The following GPAT2 variants were observed in gnomAD, a reference collection of about 807,000 sequenced individuals.
GPAT2 encodes the protein glycerol-3-phosphate acyltransferase 2, mitochondrial.
Under a neutral mutation model 71.0 loss-of-function variants are expected in GPAT2, and 51 were observed. The ratio of observed to expected loss-of-function variants is 0.72; its 90% CI spans 0.57 to 0.91. The LOEUF is 0.91. GPAT2 is among the 40% of genes least tolerant of loss of function. The pLI is 0.00. For missense variants in GPAT2, 511 were observed against 666.0 expected, an observed-to-expected ratio of 0.77 and a Z score of 2.56; for synonymous variants, 222 against 290.3, an observed-to-expected ratio of 0.76 and a Z score of 2.39.
intron 13 of GPAT2, 169 bp from the exon 14 acceptor site, chr2:96,025,012 G>A (rs1184464776): frequency 4.0e-6 from 3 of 744,330 alleles, no homozygotes; most frequent in Non-Finnish European, 2.3e-6. Context: ...GAGCAGGCCA[G>A]GAGCTGGGGG....
At chr2:96,025,364 A>G (rs546672717) in intron 13 of GPAT2, 121 bp downstream of exon 13, 5 of 1,306,394 alleles carry the variant, frequency 3.8e-6, no homozygotes, top group African/African-American at 3.0e-5. Context: ...GATGTCCCCA[A>G]GGTATCACAG....
chr2:96,024,199 A>G lies in GPAT2; in HGVS notation c.1826T>C (p.Leu609Pro). The G allele has an allele frequency of 6.5e-7, 1 of 1,528,972 alleles. No homozygotes were observed. The highest frequency in any genetic ancestry group is 1.3e-5 in the South Asian group (1 of 78,712). 94.7% of individuals were successfully genotyped at this position (1,528,972 alleles called of 1,614,324 possible). The part of the protein sequence containing the change: ...LLMHLLPQDL[L>P]LLKPCQSSYC... ...TAGGGGAGGCCTGACCTTTAGCAGC[A>G]GCAGGTCTTGCGGCAGCAGGTGCAT... Residue 609 changes from leucine (L) to proline (P), a missense_variant, in exon 16 of 22, where the codon CTG becomes CCG. Coordinates refer to ENST00000434632, the MANE Select transcript of GPAT2 (RefSeq NM_001321527.2).
Position 96,032,402 on chromosome 2 carries a change from CCTT to C in GPAT2, c.-46_-44del, listed in dbSNP as rs1680772101. 5.0e-6 allele frequency: 6 copies of C among 1,192,806 alleles called. No homozygotes were observed. Among genetic ancestry groups the C allele is most frequent in the Admixed American group, 5.9e-5 (2 of 34,172 alleles). The allele number at this position is 1,192,806 out of a possible 1,614,324, so 73.9% of individuals were successfully genotyped here. A position where few individuals can be genotyped will look rare whatever the true frequency, so the allele number is the denominator to read the frequency against. ...ATGAACCAGTCACCTCTGGCACTCT[CCTT>C]CTCCCCACAGAAACCTGAGCCGGGG... On this transcript the variant is annotated 5_prime_UTR_variant, in exon 2 of 22. Coordinates refer to ENST00000434632, the MANE Select transcript of GPAT2 (RefSeq NM_001321527.2).
At chr2:96,026,587 C>T (rs2104657261) in intron 10 of GPAT2, 110 bp downstream of exon 10, 1 of 168,088 alleles carries the variant, frequency 5.9e-6, no homozygotes, top group African/African-American at 1.2e-4. Context: ...TTCCTTTGTG[C>T]CCCCCACAGC....
rs1445620164 is a variant in GPAT2, at chr2:96,032,340, C to T, written c.20G>A (p.Gly7Asp). 2.0e-6 allele frequency: 3 copies of T among 1,498,804 alleles called. 1 individual carries two copies. Among genetic ancestry groups the T allele is most frequent in the Non-Finnish European group, 2.7e-6 (3 of 1,101,038 alleles). The allele number at this position is 1,498,804 out of a possible 1,614,324, so 92.8% of individuals were successfully genotyped here. MATMLE[G>D]RCQTQPRSSP... Reference sequence around the variant, plus strand: ...GCTCCTTGGCTGAGTTTGGCATCTGCCTTCCAACATGGTGGCCATGAGAGC... The same window carrying T: ...GCTCCTTGGCTGAGTTTGGCATCTGTCTTCCAACATGGTGGCCATGAGAGC... Residue 7 changes from glycine to aspartate, a missense_variant, in exon 2 of 22, where the codon GGC becomes GAC. Gly to Asp is a moderately conservative substitution (Grantham distance 94, BLOSUM62 -1). Around this residue, in one of 7 missense-constraint regions of GPAT2, gnomAD observed 21 missense variants for 71.6 expected, o/e 0.29. Coordinates refer to ENST00000434632, the MANE Select transcript of GPAT2 (RefSeq NM_001321527.2).
rs1425007762 is a variant in GPAT2 at position 96,024,804 on chromosome 2, A to G, written c.1397T>C (p.Met466Thr). ...GSSAVMSTAIMATLLLFKHQK... is the reference protein window; with the variant it reads ...GSSAVMSTAITATLLLFKHQK... ...ATGCTTGAAGAGCAGCAGCGTTGCC[A>G]TAATGGCCGTGCTCATCACCGCAGA... The change falls in exon 14 of 22, where the codon ATG (methionine) becomes ACG (threonine). Residue 466 changes from methionine (M) to threonine (T), a missense_variant. Met to Thr is a moderately conservative substitution (Grantham distance 81). Around this residue, in one of 7 missense-constraint regions of GPAT2, gnomAD observed 295 missense variants for 305.5 expected, o/e 0.97. Coordinates refer to ENST00000434632, the MANE Select transcript of GPAT2 (RefSeq NM_001321527.2). 2 of 1,613,756 alleles carry G rather than the reference A, an allele frequency of 1.2e-6. No individual in the cohort carries two copies. The highest frequency in any genetic ancestry group is 2.2e-5 in the East Asian group (1 of 44,874).
At chr2:96,034,036 AATACATAT>A (rs1049780302) in intron 1 of GPAT2, among the ~76,000 whole-genome samples, 7 of 151,402 alleles carry the variant, frequency 4.6e-5, no homozygotes, top group African/African-American at 1.5e-4. Flanking sequence ...ATACATATAT[AATACATAT>A]ATACATATAT....
In GPAT2 at chr2:96,022,156, G is replaced by T; in HGVS notation, c.*3C>A. ...GTCTCAGCACAGGCTCCTCCTCACAGTTCTAGCTACAAATGAACTGCCGGA... is the reference window on the plus strand; with the variant it reads ...GTCTCAGCACAGGCTCCTCCTCACATTTCTAGCTACAAATGAACTGCCGGA... On this transcript the variant is annotated 3_prime_UTR_variant, in exon 22 of 22. Transcript: ENST00000434632. The T allele has an allele frequency of 6.2e-7, 1 of 1,610,252 alleles. No homozygotes were observed. Among genetic ancestry groups the T allele is most frequent in the Non-Finnish European group, 8.5e-7 (1 of 1,179,108 alleles).
At chr2:96,025,450 C>A (rs759704816) in intron 13 of GPAT2, 35 bp downstream of exon 13, 2 of 1,572,604 alleles carry the variant, frequency 1.3e-6, no homozygotes, top group Non-Finnish European at 1.7e-6. Flanking sequence ...GTTCAGTGAC[C>A]CACCCGCAAA....
intron 13 of GPAT2, 165 bp from the exon 14 acceptor site, chr2:96,025,008 G>T (rs1175029354): frequency 3.8e-6 from 3 of 782,386 alleles, no homozygotes; most frequent in Middle Eastern, 3.6e-4. Flanking sequence ...CTGAGAGCAG[G>T]CCAGGAGCTG....
At position 96,024,116 on chromosome 2, in the gene GPAT2, G is replaced by T; in HGVS notation, c.1836+73C>A. The T allele has an allele frequency of 1.9e-6, 3 of 1,549,994 alleles. No homozygotes were observed. The Admixed American group carries it at 5.9e-5, about 31-fold the overall frequency. The stretch of plus-strand genomic sequence containing the variant: ...CCAGGAGGTTTCAGAGGTAGAGCAT[G>T]GGCAGGGATGGGCCATTCCTACCAC... On this transcript the variant is annotated intron_variant, in intron 16 of 21. Transcript: ENST00000434632.
chr2:96,024,685 C>A lies in GPAT2; in HGVS notation c.1429G>T (p.Gly477Cys), dbSNP rs1266938573. 1.2e-6 allele frequency: 2 copies of A among 1,613,770 alleles called. No individual in the cohort carries two copies. Among genetic ancestry groups the A allele is most frequent in the Non-Finnish European group, 1.7e-6 (2 of 1,179,914 alleles). Residue 477 changes from glycine (G) to cysteine (C), a missense_variant and splice_region_variant, in exon 15 of 22, where the codon GGT becomes TGT. Gly to Cys is a radical substitution (Grantham distance 159). Transcript: ENST00000434632. ...ATLLLFKHQKGVFLSQLLGEF... is the reference protein window; with the variant it reads ...ATLLLFKHQKCVFLSQLLGEF... ...CCCAGGAGCTGCGACAGGAACACAC[C>A]CTGGGTGGGCAGAGCAGGGCTAGGC...
chr2:96,025,084 C>A (rs752058679), intron 13 of GPAT2: 180 of 604,206 alleles, frequency 3.0e-4, no homozygotes, highest in Non-Finnish European at 1.8e-4. Flanking sequence ...TAGAGGGGCA[C>A]TGAAGAAGAT....
In GPAT2 at chr2:96,025,580, T is replaced by G. The variant is rs1292529073; in HGVS notation, c.1262A>C (p.Lys421Thr). 1 of 1,576,376 alleles carries G rather than the reference T, an allele frequency of 6.3e-7. No individual in the cohort carries two copies. The highest frequency in any genetic ancestry group is 8.6e-7 in the Non-Finnish European group (1 of 1,163,056). Reference sequence around the variant, plus strand: ...AGTTATGGGGGTCCACTCCTGCTCCTTCTCAGTGTCTGGGACAGCAGTACT... The same window carrying G: ...AGTTATGGGGGTCCACTCCTGCTCCGTCTCAGTGTCTGGGACAGCAGTACT... ...GQCTAVPDTE[K>T]EQEWTPITGP... is the part of the protein sequence containing the mutation. The change falls in exon 13 of 22, where the codon AAG (lysine) becomes ACG (threonine). Residue 421 changes from lysine (K) to threonine (T), a missense_variant. By Grantham distance (78) the Lys-to-Thr change is moderately conservative (BLOSUM62 -1). Coordinates refer to ENST00000434632, the MANE Select transcript of GPAT2 (RefSeq NM_001321527.2).
rs1171546353 is a variant in GPAT2 at position 96,023,921 on chromosome 2, A to G, written c.1914+2T>C. The G allele has an allele frequency of 6.3e-7, 1 of 1,591,936 alleles. No homozygotes were observed. The highest frequency in any genetic ancestry group is 8.6e-7 in the Non-Finnish European group (1 of 1,169,560). ...GATCTTGTCTCCAACTGCCCTGCCT[A>G]CCTCCTCAGCAACCAGGAGCCCGCA... On this transcript the variant is annotated splice_donor_variant, in intron 17 of 21. Transcript: ENST00000434632. LOFTEE classifies it high-confidence loss of function.
chr2:96,031,926 G>A (rs1214368269), intron 3 of GPAT2, 107 bp downstream of exon 3: 3 of 1,288,284 alleles, frequency 2.3e-6, no homozygotes, highest in Non-Finnish European at 3.2e-6. Flanking sequence ...CAGAGGCATG[G>A]GGCAGGGAAG....
In GPAT2 at chr2:96,024,612, A is replaced by G. The variant is rs1410314725; in HGVS notation, c.1502T>C (p.Val501Ala). Residue 501 changes from valine (V) to alanine (A), a missense_variant, in exon 15 of 22, where the codon GTA (valine) becomes GCA (alanine). This residue lies in a region of GPAT2 where 295 missense variants were observed against 305.5 expected (regional missense o/e 0.97). Transcript: ENST00000434632. ...TEEILLRGFD[V>A]GFSGQLRSLL... ...GCTCCGCAGCTGCCCAGAGAAGCCT[A>G]CATCAAAGCCACGCAACAGTATCTC... 2 of 1,613,722 alleles carry G rather than the reference A, an allele frequency of 1.2e-6. No homozygotes were observed. Among genetic ancestry groups the G allele is most frequent in the Admixed American group, 1.7e-5 (1 of 59,990 alleles).
Position 96,024,210 on chromosome 2 carries a change from C to T in GPAT2, c.1815G>A (p.Pro605=), listed in dbSNP as rs531152623. Residue 605 remains proline (P), a synonymous_variant, in exon 16 of 22, where the codon CCG becomes CCA. Coordinates refer to ENST00000434632, the MANE Select transcript of GPAT2 (RefSeq NM_001321527.2). The part of the protein sequence containing the change: ...RQILLLMHLL[P]QDLLLLKPCQ... ...TGACCTTTAGCAGCAGCAGGTCTTG[C>T]GGCAGCAGGTGCATCAGCAGCAGGA... 43 of 1,534,092 alleles carry T rather than the reference C, an allele frequency of 2.8e-5. No individual in the cohort carries two copies. The highest frequency in any genetic ancestry group is 1.5e-4 in the African/African-American group (11 of 73,166).
rs1435131483 is a variant in GPAT2 at position 96,024,201 on chromosome 2, C to T, written c.1824G>A (p.Leu608=). 5 of 1,529,354 alleles carry T rather than the reference C, an allele frequency of 3.3e-6. No homozygotes were observed. Among genetic ancestry groups the T allele is most frequent in the Non-Finnish European group, 2.6e-6 (3 of 1,134,492 alleles). 94.7% of individuals were successfully genotyped at this position (1,529,354 alleles called of 1,614,324 possible). A position where few individuals can be genotyped will look rare whatever the true frequency, so the allele number is the denominator to read the frequency against. Residue 608 remains leucine (L), a synonymous_variant, in exon 16 of 22, where the codon CTG becomes CTA. Coordinates refer to ENST00000434632, the MANE Select transcript of GPAT2 (RefSeq NM_001321527.2). The part of the protein sequence containing the change: ...LLLMHLLPQD[L]LLLKPCQSSY... ...GGGGAGGCCTGACCTTTAGCAGCAG[C>T]AGGTCTTGCGGCAGCAGGTGCATCA...
Sources: gnomAD v4.1 joint callset for allele counts (sites outside exome capture counted in the v4.1 genomes callset) on GRCh38, gnomAD v4.1.1 for gene constraint, gnomAD v4.1.1 regional missense constraint, MANE v1.5 for transcripts, NCBI Gene and HGNC (gene_info 2026-07-23, HGNC 2026-07-21) for gene names.